Variants in TMEM108 observed in about 807,000 individuals in gnomAD.
TMEM108 encodes the protein cancer/testis antigen 124.
Under a neutral mutation model 35.1 loss-of-function variants are expected in TMEM108, and 12 were observed. The observed-to-expected ratio is 0.34, with a 90% confidence interval of 0.22 to 0.55. TMEM108 has a LOEUF of 0.55. Among genes scored for constraint, TMEM108 ranks in the 20% least tolerant of loss-of-function variants. The probability of loss-of-function intolerance (pLI) is 0.89; values close to 1 mark genes in which losing one functional copy is unlikely to be tolerated. For synonymous variants in TMEM108, 287 were observed against 308.6 expected (o/e 0.93, Z 0.73); for missense variants, 680 against 753.3 (o/e 0.90, Z 1.14).
chr3:133,386,263 A>G (rs532242268), intron 4 of TMEM108, among the ~76,000 whole-genome samples: 7 of 152,246 alleles, frequency 4.6e-5, no homozygotes, highest in Non-Finnish European at 8.8e-5. Flanking sequence ...AAGGTACTCA[A>G]TAAATGGCAG....
intron 2 of TMEM108, among the ~76,000 whole-genome samples, chr3:133,212,260 T>C (rs1031379642): frequency 1.3e-5 from 2 of 152,196 alleles, no homozygotes; most frequent in African/African-American, 4.8e-5. Flanking sequence ...CATTTTAAAA[T>C]AGGGAAATTC....
chr3:133,369,247 T>C (rs750211872), intron 3 of TMEM108, among the ~76,000 whole-genome samples: 9 of 151,688 alleles, frequency 5.9e-5, no homozygotes, highest in Non-Finnish European at 1.2e-4. Context: ...ACCTGGGGAG[T>C]TGAGGGACCT....
chr3:133,153,345 A>C (rs1029505656), intron 2 of TMEM108, among the ~76,000 whole-genome samples: 2 of 152,160 alleles, frequency 1.3e-5, no homozygotes, highest in African/African-American at 4.8e-5. Context: ...GCAAAATTCA[A>C]ATGAAAGTAA....
chr3:133,249,401 A>T (rs532090941), intron 3 of TMEM108, among the ~76,000 whole-genome samples: 2 of 152,278 alleles, frequency 1.3e-5, no homozygotes, highest in South Asian at 4.1e-4. Context: ...GAGGGGAAAA[A>T]CGAGAGTAGG....
At chr3:133,353,081 T>C (rs2072054297) in intron 3 of TMEM108, among the ~76,000 whole-genome samples, 1 of 152,158 alleles carries the variant, frequency 6.6e-6, no homozygotes. Flanking sequence ...ATATTTCTTA[T>C]TATGTCACAA....
intron 3 of TMEM108, among the ~76,000 whole-genome samples, chr3:133,312,554 C>A (rs759145306): frequency 6.6e-6 from 1 of 152,252 alleles, no homozygotes; most frequent in African/African-American, 2.4e-5. Flanking sequence ...GAGAGAATCT[C>A]CTGGTCTGCT....
chr3:133,144,946 A>C (rs1040187338), intron 2 of TMEM108, among the ~76,000 whole-genome samples: 3 of 152,044 alleles, frequency 2.0e-5, no homozygotes, highest in African/African-American at 7.2e-5. Context: ...TTCTTTTGCT[A>C]TGCAGAAGCT....
chr3:133,357,423 C>T (rs1015964746), intron 3 of TMEM108, among the ~76,000 whole-genome samples: 2 of 152,158 alleles, frequency 1.3e-5, no homozygotes, highest in Non-Finnish European at 2.9e-5. Context: ...AATCCCTCTA[C>T]TGGGTATCTA....
intron 4 of TMEM108, 94 bp downstream of exon 4, chr3:133,381,255 A>C: frequency 7.4e-7 from 1 of 1,354,096 alleles, no homozygotes; most frequent in Non-Finnish European, 1.0e-6. Flanking sequence ...ATCCTTGCCA[A>C]GTGGGCTACA....
intron 2 of TMEM108, among the ~76,000 whole-genome samples, chr3:133,174,288 G>A (rs1285908125): frequency 1.3e-5 from 2 of 152,232 alleles, no homozygotes; most frequent in East Asian, 1.9e-4. Context: ...AGAATCCTCT[G>A]CAGACTTAAA....
chr3:133,057,435 GTA>G (rs56983894), intron 2 of TMEM108, among the ~76,000 whole-genome samples: 710 of 45,344 alleles, frequency 0.016, 8 homozygotes, highest in Non-Finnish European at 0.02. Context: ...GTGTGTGTGT[GTA>G]TATATATATA....
At chr3:133,221,790 T>G (rs1344328893) in intron 2 of TMEM108, among the ~76,000 whole-genome samples, 1 of 151,810 alleles carries the variant, frequency 6.6e-6, no homozygotes, top group Non-Finnish European at 1.5e-5. Context: ...TAACTTTGAT[T>G]GCAAAATAAA....
chr3:133,206,839 G>A (rs886083402), intron 2 of TMEM108, among the ~76,000 whole-genome samples: 2 of 152,194 alleles, frequency 1.3e-5, no homozygotes, highest in Non-Finnish European at 2.9e-5. Context: ...TGTGCTGGGA[G>A]ATCCACTGCT....
Position 133,346,029 on chromosome 3 carries a change from G to A in TMEM108, c.41-33723G>A, listed in dbSNP as rs114060032. On this transcript the variant is annotated intron_variant, in intron 3 of 5. Transcript: ENST00000321871. This position sits in a 1 kb window ranked among gnomAD's most constrained non-coding sequence, Gnocchi z 4.0. Reference sequence around the variant, plus strand: ...CGGATGTACCACAGTTTCTGTGTTCGTTCACCTATTCAAAGACATCTTGGT... The same window carrying A: ...CGGATGTACCACAGTTTCTGTGTTCATTCACCTATTCAAAGACATCTTGGT... 6.3e-3 allele frequency among the ~76,000 whole-genome samples: 961 copies of A among 151,856 alleles called. 13 individuals carry two copies. The highest frequency in any genetic ancestry group is 0.021 in the African/African-American group (887 of 41,468).
chr3:133,172,528 A>C (rs1945145200), intron 2 of TMEM108, among the ~76,000 whole-genome samples: 1 of 152,232 alleles, frequency 6.6e-6, no homozygotes, highest in Non-Finnish European at 1.5e-5. Context: ...TCTTGTGTTA[A>C]GTAAAGAATG....
chr3:133,148,129 C>T (rs1944747830), intron 2 of TMEM108, among the ~76,000 whole-genome samples: 1 of 152,162 alleles, frequency 6.6e-6, no homozygotes, highest in Admixed American at 6.6e-5. Flanking sequence ...AATGAACATT[C>T]CTAGTACCCA....
At chr3:133,178,806 G>A (rs1029843276) in intron 2 of TMEM108, among the ~76,000 whole-genome samples, 3,377 of 152,056 alleles carry the variant, frequency 0.022, 131 homozygotes, top group African/African-American at 0.076. Flanking sequence ...AAAATTGACA[G>A]ATGGGATCTA....
chr3:133,159,758 C>T (rs941251053), intron 2 of TMEM108, among the ~76,000 whole-genome samples: 1 of 152,190 alleles, frequency 6.6e-6, no homozygotes, highest in African/African-American at 2.4e-5. Flanking sequence ...AGATCTGGGA[C>T]TTGAAGCCAG....
intron 3 of TMEM108, 133 bp from the exon 4 acceptor site, chr3:133,379,619 C>A: frequency 1.2e-6 from 1 of 847,156 alleles, no homozygotes; most frequent in Non-Finnish European, 1.9e-6. Context: ...AGTGTAGGAG[C>A]ACTAGTGTGG....
Sources: gnomAD v4.1 joint callset for allele counts (sites outside exome capture counted in the v4.1 genomes callset) on GRCh38, gnomAD v4.1.1 for gene constraint, Gnocchi (gnomAD v3.1) non-coding constraint, MANE v1.5 for transcripts, NCBI Gene and HGNC (gene_info 2026-07-23, HGNC 2026-07-21) for gene names.